HYCC1: variants seen among roughly 807,000 people sequenced by gnomAD.
The protein encoded by HYCC1 is hyccin PI4KA lipid kinase complex subunit 1.
At chr7:22,964,247 CTAAGA>C in the HYCC1 span, among the ~76,000 whole-genome samples, 2 of 151,992 alleles carry the variant, frequency 1.3e-5, no homozygotes, top group South Asian at 4.1e-4. Flanking sequence ...ATGTTTTAAA[CTAAGA>C]TAATAGTTTT....
the HYCC1 span, among the ~76,000 whole-genome samples, chr7:23,008,217 C>T: frequency 4.6e-5 from 7 of 151,980 alleles, no homozygotes; most frequent in Non-Finnish European, 1.0e-4. Context: ...AAACAGTATA[C>T]GAGAATTAGC....
At chr7:22,920,851 C>G in the HYCC1 span, among the ~76,000 whole-genome samples, 1 of 152,120 alleles carries the variant, frequency 6.6e-6, no homozygotes, top group African/African-American at 2.4e-5. Flanking sequence ...GGGTGGATCC[C>G]TCATGCATGA....
the HYCC1 span, among the ~76,000 whole-genome samples, chr7:22,996,467 A>G: frequency 6.6e-6 from 1 of 151,830 alleles, no homozygotes; most frequent in African/African-American, 2.4e-5. Context: ...ACATGGGTAT[A>G]CTGTGTGATG....
chr7:22,963,737 A>T, the HYCC1 span, among the ~76,000 whole-genome samples: 2 of 152,172 alleles, frequency 1.3e-5, no homozygotes, highest in Non-Finnish European at 2.9e-5. Context: ...ATTGCAAAAA[A>T]CTTGACAAAA....
chr7:23,008,570 T>C, the HYCC1 span, among the ~76,000 whole-genome samples: 2 of 152,156 alleles, frequency 1.3e-5, no homozygotes, highest in Admixed American at 6.5e-5. Context: ...ATACTGAAAA[T>C]GTTTTGACAA....
At chr7:22,956,555 A>G in the HYCC1 span, among the ~76,000 whole-genome samples, 1 of 151,840 alleles carries the variant, frequency 6.6e-6, no homozygotes, top group South Asian at 2.1e-4. Context: ...ATAATACCTC[A>G]GTTAAAACCA....
chr7:22,947,462 TCA>T, the HYCC1 span, among the ~76,000 whole-genome samples: 2 of 152,022 alleles, frequency 1.3e-5, no homozygotes, highest in East Asian at 1.9e-4. Context: ...AACAAAAAAT[TCA>T]CAGAGCATCA....
At chr7:22,900,522 C>T in the HYCC1 span, among the ~76,000 whole-genome samples, 1 of 152,148 alleles carries the variant, frequency 6.6e-6, no homozygotes, top group Non-Finnish European at 1.5e-5. Flanking sequence ...GCTAGGTAAG[C>T]TTCCAGGAAA....
chr7:22,937,855 C>T, the HYCC1 span: 1 of 152,146 alleles, frequency 6.6e-6, no homozygotes, highest in Non-Finnish European at 1.5e-5. Context: ...CAAGAAGCTA[C>T]AGAAATCTTT....
the HYCC1 span, among the ~76,000 whole-genome samples, chr7:22,925,879 G>A: frequency 1.3e-5 from 2 of 152,108 alleles, no homozygotes; most frequent in Non-Finnish European, 2.9e-5. Context: ...ACACATAATT[G>A]TCAGATTCAC....
chr7:22,984,571 A>C, the HYCC1 span, among the ~76,000 whole-genome samples: 1 of 152,050 alleles, frequency 6.6e-6, no homozygotes, highest in East Asian at 1.9e-4. Flanking sequence ...AAACAAACAA[A>C]ATTAGCTGGG....
At chr7:22,997,342 T>G in the HYCC1 span, among the ~76,000 whole-genome samples, 1 of 152,174 alleles carries the variant, frequency 6.6e-6, no homozygotes, top group African/African-American at 2.4e-5. Context: ...GACAAACTAC[T>G]ATAAAACTTT....
chr7:22,953,267 T>C, the HYCC1 span, among the ~76,000 whole-genome samples: 1 of 152,028 alleles, frequency 6.6e-6, no homozygotes, highest in Non-Finnish European at 1.5e-5. Context: ...ATTACAAAAC[T>C]ACCTGTAAAA....
At chr7:22,993,715 C>T in the HYCC1 span, among the ~76,000 whole-genome samples, 1 of 152,010 alleles carries the variant, frequency 6.6e-6, no homozygotes, top group Non-Finnish European at 1.5e-5. Flanking sequence ...CATACACACA[C>T]ACACGTACGC....
At chr7:22,973,842 CGTTAGA>C in the HYCC1 span, among the ~76,000 whole-genome samples, 1 of 152,062 alleles carries the variant, frequency 6.6e-6, no homozygotes, top group Non-Finnish European at 1.5e-5. Flanking sequence ...GAATGTACTA[CGTTAGA>C]GTTAGATAGG....
the HYCC1 span, chr7:22,936,814 A>G: frequency 6.6e-6 from 1 of 152,200 alleles, no homozygotes; most frequent in Non-Finnish European, 1.5e-5. Flanking sequence ...GGCTATGTCT[A>G]GCTAGTATCA....
At chr7:22,986,816 C>T in the HYCC1 span, among the ~76,000 whole-genome samples, 1 of 152,162 alleles carries the variant, frequency 6.6e-6, no homozygotes, top group Non-Finnish European at 1.5e-5. Flanking sequence ...CCACTGCACT[C>T]CGGCCTGGGC....
At chr7:22,920,672 T>A in the HYCC1 span, among the ~76,000 whole-genome samples, 1 of 152,114 alleles carries the variant, frequency 6.6e-6, no homozygotes, top group African/African-American at 2.4e-5. Flanking sequence ...TAAATCCACA[T>A]GAAAAAACAA....
the HYCC1 span, among the ~76,000 whole-genome samples, chr7:22,965,309 T>C: frequency 6.6e-6 from 1 of 151,908 alleles, no homozygotes; most frequent in South Asian, 2.1e-4. Context: ...AAACTTCAGA[T>C]AGATTATAAC....
Sources: allele counts gnomAD v4.1 joint callset (sites outside exome capture counted in the v4.1 genomes callset), GRCh38; gene constraint gnomAD v4.1.1; transcripts MANE v1.5; gene names NCBI Gene and HGNC (gene_info 2026-07-23, HGNC 2026-07-21).